The following MTHFD1L variants were observed in gnomAD, a reference collection of about 807,000 sequenced individuals.
The protein encoded by MTHFD1L is monofunctional C1-tetrahydrofolate synthase, mitochondrial.
A neutral mutation model predicts 119.5 loss-of-function variants in MTHFD1L; 81 were observed. The observed-to-expected ratio is 0.68, with a 90% CI of 0.57 to 0.82. The LOEUF (loss-of-function observed/expected upper bound fraction) is 0.82, where lower values mean the gene tolerates loss of function less well. MTHFD1L is among the 40% of genes least tolerant of loss of function. The pLI is 0.00. For missense variants in MTHFD1L, 1,125 were observed against 1,253.4 expected (o/e 0.90, Z 1.55); for synonymous variants, 430 against 475.2 (o/e 0.90, Z 1.24).
At chr6:151,067,228 A>G (rs143651074) in intron 26 of MTHFD1L, among the ~76,000 whole-genome samples, 121 of 152,152 alleles carry the variant, frequency 8.0e-4, no homozygotes, top group African/African-American at 2.8e-3. Flanking sequence ...TCCTGACCTC[A>G]TGAGCCACCG....
At chr6:150,985,660 CAAAAAAAAAA>C (rs71014533) in intron 20 of MTHFD1L, among the ~76,000 whole-genome samples, 8 of 78,982 alleles carry the variant, frequency 1.0e-4, no homozygotes, top group East Asian at 3.7e-4. Flanking sequence ...GACTCTGTCT[CAAAAAAAAAA>C]AAAAAAAAAA....
At chr6:151,035,306 T>C (rs1767115877) in intron 25 of MTHFD1L, among the ~76,000 whole-genome samples, 1 of 152,170 alleles carries the variant, frequency 6.6e-6, no homozygotes, top group South Asian at 2.1e-4. Flanking sequence ...CCTCCTACTT[T>C]GGTGTAGTCG....
rs1381023479 is a variant in MTHFD1L at position 151,014,994 on chromosome 6, C to T, written c.2408+14C>T. The T allele has an allele frequency of 1.9e-6, 3 of 1,609,910 alleles. No homozygotes were observed. Among genetic ancestry groups the T allele is most frequent in the Admixed American group, 3.3e-5 (2 of 59,886 alleles). Reference sequence around the variant, plus strand: ...GAATGTCTTCAAGTAAGTCCAGCCTCCTCCTTTAAATGTGGGCATTATCAC... The same window carrying T: ...GAATGTCTTCAAGTAAGTCCAGCCTTCTCCTTTAAATGTGGGCATTATCAC... On this transcript the variant is annotated intron_variant, in intron 23 of 27. Transcript: ENST00000367321.
chr6:150,936,332 G>A (rs1051873856), intron 11 of MTHFD1L, among the ~76,000 whole-genome samples: 7 of 152,188 alleles, frequency 4.6e-5, no homozygotes, highest in African/African-American at 1.7e-4. Context: ...GACAAGTGGG[G>A]ACTTTAGGGT....
chr6:151,030,524 AT>A, intron 24 of MTHFD1L, among the ~76,000 whole-genome samples: 1 of 152,228 alleles, frequency 6.6e-6, no homozygotes, highest in Non-Finnish European at 1.5e-5. Flanking sequence ...CTTGCCAGGC[AT>A]TGGTTGATCA....
chr6:151,053,784 C>T (rs1246372823), intron 26 of MTHFD1L, among the ~76,000 whole-genome samples: 2 of 150,064 alleles, frequency 1.3e-5, no homozygotes, highest in South Asian at 2.1e-4. Context: ...CTCTTGAACC[C>T]GGGAGGTGGA....
chr6:150,954,410 G>A (rs1024362520), intron 16 of MTHFD1L, among the ~76,000 whole-genome samples: 1 of 152,136 alleles, frequency 6.6e-6, no homozygotes, highest in Non-Finnish European at 1.5e-5. Context: ...GGTCTTGGCT[G>A]GGTGCAGTGG....
At chr6:150,928,301 T>G (rs1432279289) in intron 11 of MTHFD1L, among the ~76,000 whole-genome samples, 1 of 151,676 alleles carries the variant, frequency 6.6e-6, no homozygotes, top group Non-Finnish European at 1.5e-5. Context: ...CCAGGCGTGG[T>G]GGCAGGCACC....
intron 8 of MTHFD1L, among the ~76,000 whole-genome samples, chr6:150,911,012 A>G (rs1228634749): frequency 6.6e-6 from 1 of 152,202 alleles, no homozygotes; most frequent in African/African-American, 2.4e-5. Flanking sequence ...AGTAATTCCA[A>G]AATCCATTGT....
chr6:150,976,201 A>G (rs551163063), intron 20 of MTHFD1L, among the ~76,000 whole-genome samples: 1 of 152,272 alleles, frequency 6.6e-6, no homozygotes, highest in African/African-American at 2.4e-5. Flanking sequence ...ACTCTGTCTC[A>G]AAAAATAAAA....
chr6:151,059,115 T>C (rs117031586), intron 26 of MTHFD1L, among the ~76,000 whole-genome samples: 4,901 of 152,122 alleles, frequency 0.032, 156 homozygotes, highest in Admixed American at 0.099. Context: ...GGCCACAGAG[T>C]GGCTCCCTTC....
At chr6:150,912,173 A>G (rs772510263) in intron 8 of MTHFD1L, among the ~76,000 whole-genome samples, 15 of 152,188 alleles carry the variant, frequency 9.9e-5, no homozygotes, top group Non-Finnish European at 1.8e-4. Context: ...GGGGATTACA[A>G]TTGAACATGA....
chr6:151,041,754 C>T (rs1371522152), intron 26 of MTHFD1L: 1 of 448,266 alleles, frequency 2.2e-6, no homozygotes. Context: ...AGGCAGAAAG[C>T]CCCTCTTGTT....
chr6:150,883,731 G>A (rs1049861142), intron 5 of MTHFD1L, among the ~76,000 whole-genome samples: 3 of 152,120 alleles, frequency 2.0e-5, no homozygotes, highest in African/African-American at 4.8e-5. Context: ...AAAGGATACC[G>A]GCCGTCTCCA....
At chr6:151,081,968 C>T (rs1314818119) in intron 26 of MTHFD1L, among the ~76,000 whole-genome samples, 6 of 152,218 alleles carry the variant, frequency 3.9e-5, no homozygotes, top group Non-Finnish European at 5.9e-5. Flanking sequence ...AAGGGACTAC[C>T]GAATGATGAT....
intron 20 of MTHFD1L, among the ~76,000 whole-genome samples, chr6:150,995,841 T>G (rs1474235354): frequency 6.6e-6 from 1 of 152,008 alleles, no homozygotes; most frequent in Non-Finnish European, 1.5e-5. Flanking sequence ...TTTTGTATTT[T>G]TAGTAGAGAC....
chr6:150,973,254 A>C (rs1776038574), intron 20 of MTHFD1L, among the ~76,000 whole-genome samples: 1 of 152,222 alleles, frequency 6.6e-6, no homozygotes, highest in Non-Finnish European at 1.5e-5. Context: ...CAGACATCAC[A>C]AAGTTCATTC....
At chr6:150,998,865 C>T (rs182148200) in intron 20 of MTHFD1L, among the ~76,000 whole-genome samples, 2,820 of 150,810 alleles carry the variant, frequency 0.019, 31 homozygotes, top group Non-Finnish European at 0.028. Context: ...TGGCACACAC[C>T]TGTAGTCCCA....
intron 1 of MTHFD1L, among the ~76,000 whole-genome samples, chr6:150,867,149 C>T (rs1778512048): frequency 6.6e-6 from 1 of 152,090 alleles, no homozygotes; most frequent in African/African-American, 2.4e-5. Flanking sequence ...TATTATGTGG[C>T]GGATGATTTT....
Sources: gnomAD v4.1 joint callset for allele counts (sites outside exome capture counted in the v4.1 genomes callset) on GRCh38, gnomAD v4.1.1 for gene constraint, MANE v1.5 for transcripts, NCBI Gene and HGNC (gene_info 2026-07-23, HGNC 2026-07-21) for gene names.